RC3H1: variants seen among roughly 807,000 people sequenced by gnomAD.
RC3H1 encodes roquin-1.
In RC3H1, 50 loss-of-function variants were observed where a neutral mutation model predicts 138.2. The observed-to-expected ratio is 0.36, with a 90% CI of 0.29 to 0.46. The LOEUF (loss-of-function observed/expected upper bound fraction) is 0.46. RC3H1 is among the 20% of genes least tolerant of loss of function. RC3H1 has a pLI of 1.00. For synonymous variants in RC3H1, 462 were observed against 489.1 expected (o/e 0.94, Z 0.73); for missense variants, 1,031 against 1,388.1 (o/e 0.74, Z 4.09).
At chr1:174,012,748 C>T (rs762553049) in intron 1 of RC3H1, among the ~76,000 whole-genome samples, 1 of 149,266 alleles carries the variant, frequency 6.7e-6, no homozygotes, top group Non-Finnish European at 1.5e-5. Context: ...CACGCGACTG[C>T]ACTCCAGCCT....
At chr1:173,966,891 C>T (rs12079650) in intron 9 of RC3H1, among the ~76,000 whole-genome samples, 4,515 of 152,188 alleles carry the variant, frequency 0.03, 218 homozygotes, top group African/African-American at 0.098. Flanking sequence ...TTCCTTTATA[C>T]ATTAGCTTTA....
Position 173,980,953 on chromosome 1 carries a change from G to C in RC3H1, c.825C>G (p.Thr275=). 6.2e-7 allele frequency: 1 copy of C among 1,613,934 alleles called. No homozygotes were observed. The highest frequency in any genetic ancestry group is 8.5e-7 in the Non-Finnish European group (1 of 1,179,868). ...SLMQLKEEFR[T]YEALRREHDS... ...CATGTTCTCGCCGCAGAGCTTCATA[G>C]GTTCTAAATTCTTCTTTCAGCTGCA... The change falls in exon 6 of 20, where the codon ACC becomes ACG. Residue 275 remains threonine (T), a synonymous_variant. Coordinates refer to ENST00000367696, the MANE Select transcript of RC3H1 (RefSeq NM_172071.4).
intron 1 of RC3H1, among the ~76,000 whole-genome samples, chr1:174,014,621 T>C (rs1029822848): frequency 9.9e-5 from 15 of 152,206 alleles, no homozygotes; most frequent in Admixed American, 9.8e-4. Flanking sequence ...TGGATGAATA[T>C]CTTTCTAATT....
At chr1:173,998,114 T>G (rs962711366) in intron 1 of RC3H1, among the ~76,000 whole-genome samples, 1 of 152,016 alleles carries the variant, frequency 6.6e-6, no homozygotes, top group Non-Finnish European at 1.5e-5. Context: ...TTGAACTTCC[T>G]CAGAAAAAGG....
chr1:173,954,212 T>C (rs983859424), intron 13 of RC3H1, among the ~76,000 whole-genome samples: 4 of 152,044 alleles, frequency 2.6e-5, no homozygotes, highest in African/African-American at 7.2e-5. Flanking sequence ...ATAAAGAAAA[T>C]GTGGTATATA....
At chr1:174,002,577 T>G (rs1372795925) in intron 1 of RC3H1, among the ~76,000 whole-genome samples, 1 of 152,196 alleles carries the variant, frequency 6.6e-6, no homozygotes, top group Non-Finnish European at 1.5e-5. Flanking sequence ...TCTAAAAAAG[T>G]CATTCAATCC....
intron 1 of RC3H1, among the ~76,000 whole-genome samples, chr1:174,006,322 C>T (rs1661653007): frequency 6.6e-6 from 1 of 152,190 alleles, no homozygotes; most frequent in Non-Finnish European, 1.5e-5. Context: ...TCTTCATATA[C>T]TCCCCAAATA....
intron 1 of RC3H1, among the ~76,000 whole-genome samples, chr1:174,016,695 C>G (rs1177306010): frequency 6.6e-6 from 1 of 151,612 alleles, no homozygotes; most frequent in East Asian, 1.9e-4. Flanking sequence ...TTACTAAGAA[C>G]ATAAAGTGAC....
At chr1:173,939,091 T>C (rs572259615) in intron 19 of RC3H1, among the ~76,000 whole-genome samples, 2 of 152,124 alleles carry the variant, frequency 1.3e-5, no homozygotes, top group Non-Finnish European at 2.9e-5. Flanking sequence ...TAAAGTTTTA[T>C]TGGAATATAG....
At chr1:173,946,377 G>T (rs1328549129) in intron 17 of RC3H1, 99 bp downstream of exon 17, 6 of 1,056,642 alleles carry the variant, frequency 5.7e-6, no homozygotes, top group South Asian at 5.0e-5. Context: ...CTAAGAAATA[G>T]ACCTTAAAGT....
At chr1:173,997,581 T>G (rs1479038037) in intron 1 of RC3H1, among the ~76,000 whole-genome samples, 1 of 152,310 alleles carries the variant, frequency 6.6e-6, no homozygotes, top group East Asian at 1.9e-4. Flanking sequence ...TAAAGTAAGG[T>G]ATGTAGTTGT....
intron 9 of RC3H1, chr1:173,969,351 C>A (rs998920315): frequency 6.7e-6 from 1 of 150,186 alleles, no homozygotes; most frequent in Non-Finnish European, 1.5e-5. Context: ...AGGTAGTCTC[C>A]CATCCAAGTA....
At chr1:173,965,369 C>T (rs982628543) in intron 9 of RC3H1, among the ~76,000 whole-genome samples, 3 of 152,122 alleles carry the variant, frequency 2.0e-5, no homozygotes, top group South Asian at 4.2e-4. Flanking sequence ...CCGAGGCAGG[C>T]GGATCACGAG....
intron 1 of RC3H1, among the ~76,000 whole-genome samples, chr1:173,995,672 T>C (rs1661442668): frequency 6.6e-6 from 1 of 152,232 alleles, no homozygotes; most frequent in Non-Finnish European, 1.5e-5. Flanking sequence ...TGACTCACTT[T>C]ATTGTTTTCA....
intron 1 of RC3H1, among the ~76,000 whole-genome samples, chr1:174,011,941 G>A (rs944151653): frequency 6.6e-6 from 1 of 152,076 alleles, no homozygotes; most frequent in Non-Finnish European, 1.5e-5. Context: ...AGCCAGGCAC[G>A]GTGGCTCATG....
chr1:173,966,310 G>A (rs1660114805), intron 9 of RC3H1, among the ~76,000 whole-genome samples: 2 of 152,132 alleles, frequency 1.3e-5, no homozygotes, highest in Admixed American at 1.3e-4. Flanking sequence ...CAAGCACATC[G>A]ATTCTGAAAT....
At position 173,946,375 on chromosome 1, in the gene RC3H1, T is replaced by C. The variant is rs142215220; in HGVS notation, c.2961+101A>G. 351 of 1,045,542 alleles carry C rather than the reference T, an allele frequency of 3.4e-4. 2 individuals carry two copies. In the African/African-American group the frequency reaches 4.0e-3, roughly 12 times the overall value. The allele number at this position is 1,045,542 out of a possible 1,614,324, so 64.8% of individuals were successfully genotyped here. A position where few individuals can be genotyped will look rare whatever the true frequency, so the allele number is the denominator to read the frequency against. On this transcript the variant is annotated intron_variant, in intron 17 of 19. Coordinates refer to ENST00000367696, the MANE Select transcript of RC3H1 (RefSeq NM_172071.4). ...GAAACCTATACTAACTCCTAAGAAA[T>C]AGACCTTAAAGTTTTTTGTTCACAG...
chr1:173,982,069 A>G (rs1387372140), intron 5 of RC3H1, among the ~76,000 whole-genome samples: 2 of 152,232 alleles, frequency 1.3e-5, no homozygotes, highest in African/African-American at 4.8e-5. Flanking sequence ...GAATTACACT[A>G]GGAGAAAATC....
intron 7 of RC3H1, among the ~76,000 whole-genome samples, chr1:173,974,631 A>G (rs777905070): frequency 2.1e-4 from 32 of 149,578 alleles, no homozygotes; most frequent in Non-Finnish European, 3.8e-4. Flanking sequence ...TGTTGCATGG[A>G]GGTGGAATCA....
Sources: allele counts gnomAD v4.1 joint callset (sites outside exome capture counted in the v4.1 genomes callset), GRCh38; gene constraint gnomAD v4.1.1; transcripts MANE v1.5; gene names NCBI Gene and HGNC (gene_info 2026-07-23, HGNC 2026-07-21).